The following DENND2A variants were observed in gnomAD, a reference collection of about 807,000 sequenced individuals.
DENND2A encodes DENN domain containing 2A.
DENND2A carries 53 observed loss-of-function variants against 105.3 expected under a neutral mutation model. That is an observed-to-expected ratio of 0.50 (90% CI 0.40 to 0.63). The LOEUF (loss-of-function observed/expected upper bound fraction) is 0.63, where lower values mean the gene tolerates loss of function less well. DENND2A is among the 30% of genes least tolerant of loss of function. DENND2A has a pLI of 0.00. For missense variants in DENND2A, 1,138 were observed against 1,279.6 expected, an observed-to-expected ratio of 0.89 and a Z score of 1.69; for synonymous variants, 522 against 508.4, an observed-to-expected ratio of 1.03 and a Z score of -0.36.
At chr7:140,551,656 A>C (rs1797144552) in intron 12 of DENND2A, among the ~76,000 whole-genome samples, 1 of 152,202 alleles carries the variant, frequency 6.6e-6, no homozygotes, top group Non-Finnish European at 1.5e-5. Context: ...TGAATCTTGA[A>C]GCCTCTGTGG....
At chr7:140,548,259 T>C (rs557887775) in intron 12 of DENND2A, among the ~76,000 whole-genome samples, 1 of 149,454 alleles carries the variant, frequency 6.7e-6, no homozygotes, top group African/African-American at 2.5e-5. Flanking sequence ...TTGCATGGTA[T>C]GTGAATTATA....
At chr7:140,572,751 C>CAAAAAA (rs59174097) in intron 6 of DENND2A, among the ~76,000 whole-genome samples, 1 of 58,866 alleles carries the variant, frequency 1.7e-5, no homozygotes, top group African/African-American at 5.8e-5. Flanking sequence ...GAAACTCTGT[C>CAAAAAA]AAAAAAAAAA....
intron 1 of DENND2A, among the ~76,000 whole-genome samples, chr7:140,624,109 G>A (rs1313389795): frequency 6.6e-6 from 1 of 152,152 alleles, no homozygotes; most frequent in East Asian, 1.9e-4. Context: ...TGGGATGATC[G>A]AATCCTTTTC....
chr7:140,542,254 G>A (rs1796693753), intron 14 of DENND2A, among the ~76,000 whole-genome samples: 3 of 152,144 alleles, frequency 2.0e-5, no homozygotes, highest in South Asian at 4.1e-4. Context: ...AGCTCAGAAC[G>A]AACCCAAGTC....
chr7:140,567,109 G>GTTCTGGCAC lies in DENND2A; in HGVS notation c.1747_1755dup (p.Val583_Glu585dup). The GTTCTGGCAC allele has an allele frequency of 6.2e-7, 1 of 1,600,250 alleles. No homozygotes were observed. The highest frequency in any genetic ancestry group is 8.5e-7 in the Non-Finnish European group (1 of 1,173,088). On this transcript the variant is annotated inframe_insertion, in exon 9 of 20. Coordinates refer to ENST00000496613, the MANE Select transcript of DENND2A (RefSeq NM_015689.5). ...ACCTTCAGAGGGAACTGTTGGGTGA[G>GTTCTGGCAC]TTCTGGCACGTAGGCAGCCCCGGCC...
intron 5 of DENND2A, among the ~76,000 whole-genome samples, chr7:140,581,878 CAGTG>C (rs1473782608): frequency 6.6e-6 from 1 of 152,074 alleles, no homozygotes; most frequent in Non-Finnish European, 1.5e-5. Context: ...TCCAGCCCAG[CAGTG>C]ACAAGAAGAA....
intron 18 of DENND2A, among the ~76,000 whole-genome samples, chr7:140,520,471 C>G (rs937531273): frequency 5.3e-5 from 8 of 151,960 alleles, no homozygotes; most frequent in African/African-American, 1.7e-4. Flanking sequence ...TAGGCCATCT[C>G]TTAAGCCGCT....
intron 14 of DENND2A, among the ~76,000 whole-genome samples, chr7:140,541,951 C>T (rs1796677918): frequency 6.6e-6 from 1 of 152,232 alleles, no homozygotes; most frequent in Non-Finnish European, 1.5e-5. Flanking sequence ...TCCACATCTA[C>T]GGAGTTTGTC....
intron 14 of DENND2A, among the ~76,000 whole-genome samples, chr7:140,533,630 G>C (rs572531660): frequency 2.0e-5 from 3 of 152,362 alleles, no homozygotes; most frequent in South Asian, 4.1e-4. Flanking sequence ...TGGATGCATG[G>C]GGCTCCAGGA....
At chr7:140,602,855 C>T (rs1799567655) in intron 2 of DENND2A, among the ~76,000 whole-genome samples, 1 of 152,008 alleles carries the variant, frequency 6.6e-6, no homozygotes, top group Admixed American at 6.6e-5. Context: ...CTTGGGGAGA[C>T]AGCATGGTGA....
At chr7:140,534,246 A>G (rs1008894015) in intron 14 of DENND2A, among the ~76,000 whole-genome samples, 2 of 151,722 alleles carry the variant, frequency 1.3e-5, no homozygotes, top group Admixed American at 1.3e-4. Flanking sequence ...CACCACGCCC[A>G]GCTAATTTTT....
intron 10 of DENND2A, among the ~76,000 whole-genome samples, chr7:140,558,825 TG>T (rs1797498238): frequency 7.1e-6 from 1 of 140,210 alleles, no homozygotes; most frequent in South Asian, 2.2e-4. Flanking sequence ...TTTTTCAAGA[TG>T]GAGTCTCACT....
rs759124814 is a variant in DENND2A at position 140,544,746 on chromosome 7, C to T, written c.2199G>A (p.Pro733=). The stretch of plus-strand genomic sequence containing the variant: ...CCACGTGCTCGAGCCGGGAGTCCAG[C>T]GGGCGGCACAGTTCGATCACCTGCC... ...SGTEVIELCR[P]LDSRLEHVDF... Residue 733 remains proline, a synonymous_variant, in exon 14 of 20, where the codon CCG becomes CCA. Coordinates refer to ENST00000496613, the MANE Select transcript of DENND2A (RefSeq NM_015689.5). 12 of 1,591,828 alleles carry T rather than the reference C, an allele frequency of 7.5e-6. No individual in the cohort carries two copies. The highest frequency in any genetic ancestry group is 5.4e-5 in the Admixed American group (3 of 55,186).
intron 19 of DENND2A, among the ~76,000 whole-genome samples, chr7:140,519,102 A>G (rs117937485): frequency 0.021 from 3,195 of 152,284 alleles, 32 homozygotes; most frequent in South Asian, 0.036. Context: ...TCCGTCCTGC[A>G]GGAGGCACAG....
At chr7:140,580,104 A>G (rs1174815199) in intron 5 of DENND2A, among the ~76,000 whole-genome samples, 2 of 152,096 alleles carry the variant, frequency 1.3e-5, no homozygotes, top group African/African-American at 4.8e-5. Context: ...GGGAAACTCC[A>G]TCTCAAAAAA....
chr7:140,591,671 C>CTCTT (rs890090370), intron 3 of DENND2A, among the ~76,000 whole-genome samples: 30,721 of 145,952 alleles, frequency 0.21, 3,762 homozygotes, highest in African/African-American at 0.34. Flanking sequence ...TTCTTTCTTT[C>CTCTT]TCTTTCTTTC....
chr7:140,629,867 T>TG (rs1303503332), intron 1 of DENND2A, among the ~76,000 whole-genome samples: 2 of 150,652 alleles, frequency 1.3e-5, no homozygotes, highest in African/African-American at 4.9e-5. Context: ...TCTTTTTTTT[T>TG]TTTTTTTTGA....
chr7:140,525,666 G>T, intron 16 of DENND2A, 85 bp downstream of exon 16: 1 of 1,298,810 alleles, frequency 7.7e-7, no homozygotes, highest in Non-Finnish European at 1.0e-6. Context: ...ATCCCAAAGA[G>T]CCTTTCCAAG....
At chr7:140,573,061 G>A (rs970435207) in intron 6 of DENND2A, among the ~76,000 whole-genome samples, 3 of 152,090 alleles carry the variant, frequency 2.0e-5, no homozygotes, top group Non-Finnish European at 4.4e-5. Context: ...CACAATTGCC[G>A]CTCTTTCTTC....
Sources: gnomAD v4.1 joint callset for allele counts (sites outside exome capture counted in the v4.1 genomes callset) on GRCh38, gnomAD v4.1.1 for gene constraint, MANE v1.5 for transcripts, NCBI Gene and HGNC (gene_info 2026-07-23, HGNC 2026-07-21) for gene names.